SMYD3: variants seen among roughly 807,000 people sequenced by gnomAD.
The protein encoded by SMYD3 is histone-lysine N-methyltransferase SMYD3.
In SMYD3, 36 loss-of-function variants were observed where a neutral mutation model predicts 57.7. That is an observed-to-expected ratio of 0.62 (90% CI 0.48 to 0.82). SMYD3 has a LOEUF of 0.82. SMYD3 is among the 40% of genes least tolerant of loss of function. The probability of loss-of-function intolerance (pLI) is 0.00; values close to 1 mark genes in which losing one functional copy is unlikely to be tolerated. For missense variants in SMYD3, 515 were observed against 538.8 expected (o/e 0.96, Z 0.44); for synonymous variants, 211 against 195.0 (o/e 1.08, Z -0.68).
intron 5 of SMYD3, among the ~76,000 whole-genome samples, chr1:246,324,962 T>C (rs72776401): frequency 0.091 from 12,036 of 131,794 alleles, 768 homozygotes; most frequent in Non-Finnish European, 0.13. Context: ...GGATCTTTCA[T>C]GAACAAGGAA....
intron 1 of SMYD3, among the ~76,000 whole-genome samples, chr1:246,475,520 C>T (rs926707464): frequency 1.1e-4 from 16 of 151,730 alleles, no homozygotes; most frequent in Non-Finnish European, 1.6e-4. Context: ...ATGGCGCGTG[C>T]CTGTAGTCCC....
chr1:246,195,398 G>A (rs961299178), intron 5 of SMYD3, among the ~76,000 whole-genome samples: 7 of 152,072 alleles, frequency 4.6e-5, no homozygotes, highest in Non-Finnish European at 7.4e-5. Flanking sequence ...CATGTGGTAC[G>A]GGGCCTCTGT....
chr1:245,998,612 C>T (rs1572866402), intron 5 of SMYD3, among the ~76,000 whole-genome samples: 1 of 152,040 alleles, frequency 6.6e-6, no homozygotes. Flanking sequence ...TCTGGATGCT[C>T]CTGAAAAAGT....
intron 7 of SMYD3, among the ~76,000 whole-genome samples, chr1:245,917,085 A>C (rs1282804421): frequency 6.7e-6 from 1 of 150,038 alleles, no homozygotes; most frequent in Non-Finnish European, 1.5e-5. Context: ...GCTGGTGTGC[A>C]GTGGCATGAT....
intron 5 of SMYD3, among the ~76,000 whole-genome samples, chr1:246,091,013 C>T (rs578033633): frequency 6.6e-6 from 1 of 152,308 alleles, no homozygotes; most frequent in East Asian, 1.9e-4. Flanking sequence ...GACTCCAACT[C>T]TGCCCTTTCA....
chr1:246,059,438 G>T (rs1572959452), intron 5 of SMYD3, among the ~76,000 whole-genome samples: 1 of 152,256 alleles, frequency 6.6e-6, no homozygotes, highest in East Asian at 1.9e-4. Flanking sequence ...ACTGAACAGA[G>T]ATATGACCAA....
At chr1:246,006,238 G>A (rs1011752090) in intron 5 of SMYD3, among the ~76,000 whole-genome samples, 1 of 150,366 alleles carries the variant, frequency 6.7e-6, no homozygotes, top group South Asian at 2.1e-4. Context: ...TACTTTGTAG[G>A]AAGAGCCCGC....
chr1:246,299,412 A>G (rs934085292), intron 5 of SMYD3, among the ~76,000 whole-genome samples: 12 of 152,134 alleles, frequency 7.9e-5, no homozygotes, highest in Admixed American at 1.3e-4. Flanking sequence ...GGTTAGTTCA[A>G]CCATTGTGGA....
At chr1:246,071,397 T>C (rs10924485) in intron 5 of SMYD3, among the ~76,000 whole-genome samples, 10,837 of 152,218 alleles carry the variant, frequency 0.071, 443 homozygotes, top group African/African-American at 0.091. Flanking sequence ...TTATAAAATG[T>C]TTTAAATTAT....
intron 5 of SMYD3, among the ~76,000 whole-genome samples, chr1:245,999,649 A>G (rs1353362633): frequency 1.3e-5 from 2 of 152,226 alleles, no homozygotes; most frequent in Non-Finnish European, 2.9e-5. Context: ...TGTATAAACA[A>G]TTATATACTA....
At chr1:246,311,301 TATC>T (rs2065071878) in intron 5 of SMYD3, among the ~76,000 whole-genome samples, 1 of 152,268 alleles carries the variant, frequency 6.6e-6, no homozygotes, top group East Asian at 1.9e-4. Context: ...AAGTGACAAA[TATC>T]ATCCAAATCT....
intron 5 of SMYD3, among the ~76,000 whole-genome samples, chr1:246,046,063 G>A (rs1016087921): frequency 1.1e-4 from 17 of 152,216 alleles, no homozygotes; most frequent in African/African-American, 3.9e-4. Flanking sequence ...GGAAGACAGT[G>A]TGGCAATTCC....
intron 8 of SMYD3, among the ~76,000 whole-genome samples, chr1:245,871,554 T>C (rs1029064259): frequency 6.6e-6 from 1 of 152,232 alleles, no homozygotes; most frequent in African/African-American, 2.4e-5. Flanking sequence ...AATTGTAGTA[T>C]GTTCTAATTA....
intron 7 of SMYD3, among the ~76,000 whole-genome samples, chr1:245,921,747 G>A (rs543095918): frequency 4.0e-4 from 61 of 152,004 alleles, no homozygotes; most frequent in South Asian, 2.3e-3. Context: ...AGAATCTATC[G>A]AACCAAACAC....
At chr1:245,963,912 T>C (rs1170246493) in intron 5 of SMYD3, among the ~76,000 whole-genome samples, 1 of 152,220 alleles carries the variant, frequency 6.6e-6, no homozygotes, top group Non-Finnish European at 1.5e-5. Flanking sequence ...TGAGACCCAC[T>C]CACAGGACTA....
intron 10 of SMYD3, among the ~76,000 whole-genome samples, chr1:245,853,296 G>C (rs184248219): frequency 6.6e-5 from 10 of 152,308 alleles, no homozygotes; most frequent in African/African-American, 2.2e-4. Context: ...TGCCCTCTAG[G>C]AATGAGCTTC....
chr1:246,492,345 C>T (rs1193473833), intron 1 of SMYD3, among the ~76,000 whole-genome samples: 2 of 152,104 alleles, frequency 1.3e-5, no homozygotes, highest in East Asian at 3.9e-4. Flanking sequence ...TTTCCAAGCT[C>T]CCCAGGTGAT....
intron 5 of SMYD3, among the ~76,000 whole-genome samples, chr1:246,094,991 C>T (rs1389698894): frequency 6.6e-6 from 1 of 152,140 alleles, no homozygotes; most frequent in Non-Finnish European, 1.5e-5. Context: ...CCCTCTGCCC[C>T]TCCCAGTGAC....
intron 5 of SMYD3, among the ~76,000 whole-genome samples, chr1:246,168,601 C>T (rs1284528000): frequency 6.6e-6 from 1 of 152,158 alleles, no homozygotes; most frequent in Non-Finnish European, 1.5e-5. Flanking sequence ...CGTTTACAAG[C>T]TGCTGTACTT....
Sources: gnomAD v4.1 joint callset for allele counts (sites outside exome capture counted in the v4.1 genomes callset) on GRCh38, gnomAD v4.1.1 for gene constraint, MANE v1.5 for transcripts, NCBI Gene and HGNC (gene_info 2026-07-23, HGNC 2026-07-21) for gene names.